FGF14: variants seen among roughly 807,000 people sequenced by gnomAD.
The protein encoded by FGF14 is fibroblast growth factor 14.
Under a neutral mutation model 25.5 loss-of-function variants are expected in FGF14, and 5 were observed. The ratio of observed to expected loss-of-function variants is 0.20; its 90% CI spans 0.10 to 0.41. FGF14 has a LOEUF of 0.41. FGF14 is among the 10% of genes least tolerant of loss of function. FGF14 has a pLI of 1.00. For synonymous variants in FGF14, 138 were observed against 118.3 expected (o/e 1.17, Z -1.08); for missense variants, 222 against 320.1 (o/e 0.69, Z 2.34).
chr13:102,290,080 A>C lies in FGF14; in HGVS notation c.208+111391T>G, dbSNP rs9557849. The stretch of plus-strand genomic sequence containing the variant: ...TAGTTTTCAAAGAAGAGCTCAGTTG[A>C]GTAACTCAAATGGTACAATGAACTG... On this transcript the variant is annotated intron_variant, in intron 1 of 4. Transcript: ENST00000376131. 1.6e-4 allele frequency among the ~76,000 whole-genome samples: 24 copies of C among 152,346 alleles called. No individual in the cohort carries two copies. The East Asian group carries it at 4.6e-3, about 29-fold the overall frequency.
intron 1 of FGF14, among the ~76,000 whole-genome samples, chr13:102,270,603 A>G (rs1036315865): frequency 1.3e-5 from 2 of 152,192 alleles, no homozygotes; most frequent in Non-Finnish European, 2.9e-5. Context: ...TGTAAACAAT[A>G]TAAGTTGAAT....
intron 3 of FGF14, among the ~76,000 whole-genome samples, chr13:101,759,411 C>T (rs919433321): frequency 3.3e-5 from 5 of 152,086 alleles, no homozygotes; most frequent in African/African-American, 1.2e-4. Context: ...AAGCAGTTAG[C>T]GGAGGTGGGG....
intron 1 of FGF14, among the ~76,000 whole-genome samples, chr13:102,244,681 G>T (rs1188492728): frequency 1.3e-5 from 2 of 151,956 alleles, no homozygotes; most frequent in Non-Finnish European, 2.9e-5. Context: ...AACTGGTTTT[G>T]TGAGGCAAAT....
chr13:102,018,204 A>G (rs562951227), intron 1 of FGF14, among the ~76,000 whole-genome samples: 1 of 152,288 alleles, frequency 6.6e-6, no homozygotes, highest in African/African-American at 2.4e-5. Context: ...CCAAACATAA[A>G]GTTAGACAGG....
At chr13:102,279,807 C>T (rs1245439749) in intron 1 of FGF14, among the ~76,000 whole-genome samples, 1 of 152,170 alleles carries the variant, frequency 6.6e-6, no homozygotes, top group East Asian at 1.9e-4. Flanking sequence ...CAGAATAAAA[C>T]CCTTTGGGAA....
At chr13:102,271,782 C>A (rs1443636337) in intron 1 of FGF14, among the ~76,000 whole-genome samples, 1 of 152,140 alleles carries the variant, frequency 6.6e-6, no homozygotes, top group Non-Finnish European at 1.5e-5. Flanking sequence ...CAGCATGGCA[C>A]AAAAATAATT....
intron 1 of FGF14, among the ~76,000 whole-genome samples, chr13:102,205,397 C>A (rs2049859670): frequency 6.6e-6 from 1 of 151,926 alleles, no homozygotes; most frequent in Admixed American, 6.6e-5. Context: ...TTATTATAGT[C>A]AATATATAAT....
At chr13:102,218,328 C>T (rs1196624829) in intron 1 of FGF14, among the ~76,000 whole-genome samples, 1 of 152,074 alleles carries the variant, frequency 6.6e-6, no homozygotes, top group African/African-American at 2.4e-5. Context: ...TAGACCTTGA[C>T]TCCACAAGAA....
chr13:101,939,587 C>G (rs534398934), intron 1 of FGF14, among the ~76,000 whole-genome samples: 1 of 152,206 alleles, frequency 6.6e-6, no homozygotes, highest in African/African-American at 2.4e-5. Context: ...AAATGCACCA[C>G]TGACCATGGT....
intron 3 of FGF14, among the ~76,000 whole-genome samples, chr13:101,736,701 A>T (rs2036211757): frequency 6.6e-6 from 1 of 152,116 alleles, no homozygotes; most frequent in African/African-American, 2.4e-5. Flanking sequence ...TATCGGTATG[A>T]GGCAACCAGT....
intron 1 of FGF14, among the ~76,000 whole-genome samples, chr13:102,193,335 G>C (rs1306628299): frequency 1.3e-5 from 2 of 152,072 alleles, no homozygotes; most frequent in African/African-American, 4.8e-5. Context: ...ATCTCATCAT[G>C]AGGGATCCAG....
intron 3 of FGF14, among the ~76,000 whole-genome samples, chr13:101,858,843 C>T (rs2044261410): frequency 6.6e-6 from 1 of 151,990 alleles, no homozygotes; most frequent in Non-Finnish European, 1.5e-5. Context: ...AATGCTCTTG[C>T]TTTAAAACGT....
chr13:102,236,353 TA>T (rs773053169), intron 1 of FGF14, among the ~76,000 whole-genome samples: 1 of 152,178 alleles, frequency 6.6e-6, no homozygotes, highest in Non-Finnish European at 1.5e-5. Flanking sequence ...AAGAATGGCC[TA>T]AAATTACAGG....
chr13:102,210,985 C>T (rs1025296922), intron 1 of FGF14, among the ~76,000 whole-genome samples: 1 of 152,022 alleles, frequency 6.6e-6, no homozygotes, highest in South Asian at 2.1e-4. Context: ...GACGAAAGAC[C>T]CCTGGGTTCT....
At chr13:102,208,117 C>T (rs1001145716) in intron 1 of FGF14, among the ~76,000 whole-genome samples, 1 of 152,282 alleles carries the variant, frequency 6.6e-6, no homozygotes, top group African/African-American at 2.4e-5. Context: ...CTTCATTCAA[C>T]TAAGGCAACA....
At chr13:102,069,003 C>A (rs2140140922) in intron 1 of FGF14, among the ~76,000 whole-genome samples, 2 of 152,320 alleles carry the variant, frequency 1.3e-5, no homozygotes, top group Middle Eastern at 6.8e-3. Context: ...AATCAGCACC[C>A]TGTGTTTAGC....
chr13:102,055,073 T>C (rs909052720), intron 1 of FGF14, among the ~76,000 whole-genome samples: 4 of 152,216 alleles, frequency 2.6e-5, no homozygotes, highest in African/African-American at 7.2e-5. Context: ...AATCTCACCA[T>C]ACCCACTTAA....
chr13:102,352,618 C>A (rs1354814614), intron 1 of FGF14, among the ~76,000 whole-genome samples: 5 of 152,054 alleles, frequency 3.3e-5, no homozygotes, highest in Non-Finnish European at 7.4e-5. Context: ...CGAGACCATT[C>A]TGGCTAACAC....
At chr13:102,135,017 C>CCACACACACACACA (rs71125050) in intron 1 of FGF14, among the ~76,000 whole-genome samples, 2 of 142,548 alleles carry the variant, frequency 1.4e-5, no homozygotes, top group Non-Finnish European at 3.1e-5. Flanking sequence ...GACCCCGTGT[C>CCACACACACACACA]CACACACACA....
Sources: allele counts gnomAD v4.1 joint callset (sites outside exome capture counted in the v4.1 genomes callset), GRCh38; gene constraint gnomAD v4.1.1; transcripts MANE v1.5; gene names NCBI Gene and HGNC (gene_info 2026-07-23, HGNC 2026-07-21).